MYO3B: variants seen among roughly 807,000 people sequenced by gnomAD.
The protein encoded by MYO3B is myosin-IIIb.
In MYO3B, 156 loss-of-function variants were observed where a neutral mutation model predicts 174.6. The observed-to-expected ratio is 0.89, with a 90% CI of 0.78 to 1.02. The LOEUF is 1.02. Among genes scored for constraint, MYO3B ranks in the 50% least tolerant of loss-of-function variants. The probability of loss-of-function intolerance (pLI) is 0.00; values close to 1 mark genes in which losing one functional copy is unlikely to be tolerated. For synonymous variants in MYO3B, 563 were observed against 569.1 expected, an observed-to-expected ratio of 0.99 and a Z score of 0.15; for missense variants, 1,632 against 1,639.4, an observed-to-expected ratio of 1.00 and a Z score of 0.08.
At chr2:170,456,732 A>G (rs1027779640) in intron 23 of MYO3B, among the ~76,000 whole-genome samples, 1 of 152,248 alleles carries the variant, frequency 6.6e-6, no homozygotes, top group Non-Finnish European at 1.5e-5. Context: ...AACTAATGTT[A>G]TTTGTTATAT....
intron 32 of MYO3B, among the ~76,000 whole-genome samples, chr2:170,590,168 A>G (rs1369931103): frequency 2.0e-5 from 3 of 152,216 alleles, no homozygotes; most frequent in Non-Finnish European, 2.9e-5. Flanking sequence ...ATGCCTGTAT[A>G]TACGTGATAT....
chr2:170,189,225 A>T (rs2092509450), intron 1 of MYO3B, among the ~76,000 whole-genome samples: 1 of 151,902 alleles, frequency 6.6e-6, no homozygotes, highest in South Asian at 2.1e-4. Context: ...GTAATTTGTC[A>T]TTTCTCCTGC....
At chr2:170,639,823 T>C (rs147795138) in intron 32 of MYO3B, among the ~76,000 whole-genome samples, 25 of 152,240 alleles carry the variant, frequency 1.6e-4, no homozygotes, top group African/African-American at 5.1e-4. Flanking sequence ...AAACCAGAGA[T>C]AGTATTTCCA....
chr2:170,229,757 A>G (rs940911744), intron 6 of MYO3B, among the ~76,000 whole-genome samples: 5 of 152,230 alleles, frequency 3.3e-5, no homozygotes, highest in Admixed American at 6.5e-5. Context: ...TCCCTTTCAC[A>G]TATAGTATAA....
intron 8 of MYO3B, among the ~76,000 whole-genome samples, chr2:170,356,284 G>A (rs961783639): frequency 4.0e-5 from 6 of 151,666 alleles, no homozygotes; most frequent in African/African-American, 1.5e-4. Context: ...TTACATTGAA[G>A]AGTGTCATAA....
chr2:170,465,008 A>G (rs971146802), intron 24 of MYO3B, among the ~76,000 whole-genome samples: 54 of 148,568 alleles, frequency 3.6e-4, no homozygotes, highest in African/African-American at 1.2e-3. Flanking sequence ...CTGGGACTAC[A>G]GGTACGTGCC....
intron 19 of MYO3B, among the ~76,000 whole-genome samples, 186 bp from the exon 20 acceptor site, chr2:170,404,061 A>T (rs2094495236): frequency 6.6e-6 from 1 of 152,210 alleles, no homozygotes; most frequent in Admixed American, 6.5e-5. Context: ...GCCACTTGTA[A>T]GTCAGATTTA....
At chr2:170,507,393 C>CTTACTT (rs1553512659) in intron 28 of MYO3B, among the ~76,000 whole-genome samples, 1 of 151,530 alleles carries the variant, frequency 6.6e-6, no homozygotes, top group African/African-American at 2.4e-5. Flanking sequence ...GGCTTTCTTT[C>CTTACTT]TTTCTTTTTC....
At chr2:170,636,583 T>C (rs1167448352) in intron 32 of MYO3B, among the ~76,000 whole-genome samples, 1 of 152,096 alleles carries the variant, frequency 6.6e-6, no homozygotes, top group African/African-American at 2.4e-5. Flanking sequence ...CCCCATCTCA[T>C]GCAGGATGAG....
At chr2:170,397,490 C>T (rs1427980068) in intron 16 of MYO3B, among the ~76,000 whole-genome samples, 1 of 152,144 alleles carries the variant, frequency 6.6e-6, no homozygotes, top group African/African-American at 2.4e-5. Flanking sequence ...TTCGTTGTTT[C>T]ACGTATAGAA....
intron 25 of MYO3B, among the ~76,000 whole-genome samples, chr2:170,470,638 G>A (rs1357274804): frequency 6.6e-6 from 1 of 152,026 alleles, no homozygotes; most frequent in Non-Finnish European, 1.5e-5. Flanking sequence ...GAATTTCTTG[G>A]TCATATGGTA....
At chr2:170,189,573 GCTCA>G (rs2092513582) in intron 1 of MYO3B, among the ~76,000 whole-genome samples, 1 of 151,608 alleles carries the variant, frequency 6.6e-6, no homozygotes, top group Non-Finnish European at 1.5e-5. Flanking sequence ...CTGTCTTCAA[GCTCA>G]CTCATTCTTT....
At chr2:170,592,375 A>G (rs949496878) in intron 32 of MYO3B, among the ~76,000 whole-genome samples, 2 of 152,096 alleles carry the variant, frequency 1.3e-5, no homozygotes, top group East Asian at 1.9e-4. Flanking sequence ...CATTCCCTAC[A>G]CCCTGGGTGA....
At chr2:170,604,804 A>G (rs749862458) in intron 32 of MYO3B, among the ~76,000 whole-genome samples, 162 of 152,322 alleles carry the variant, frequency 1.1e-3, no homozygotes, top group Non-Finnish European at 6.2e-4. Context: ...AGGCCACACA[A>G]TGCAGTTGTG....
chr2:170,268,955 A>G (rs2093404915), intron 7 of MYO3B, among the ~76,000 whole-genome samples: 2 of 152,166 alleles, frequency 1.3e-5, no homozygotes, highest in South Asian at 4.1e-4. Flanking sequence ...GAAATAAAAC[A>G]ATGGGACATT....
chr2:170,363,923 A>C (rs73016994), intron 8 of MYO3B, among the ~76,000 whole-genome samples: 6,819 of 152,312 alleles, frequency 0.045, 226 homozygotes, highest in African/African-American at 0.095. Context: ...GGAATGAATG[A>C]AAGAAAGAAT....
chr2:170,242,467 A>G (rs2093144893), intron 7 of MYO3B, among the ~76,000 whole-genome samples: 1 of 152,144 alleles, frequency 6.6e-6, no homozygotes, highest in Non-Finnish European at 1.5e-5. Context: ...ATGCCCCAGA[A>G]GGCTTTCACT....
At chr2:170,366,496 G>A (rs1279358375) in intron 8 of MYO3B, among the ~76,000 whole-genome samples, 1 of 151,806 alleles carries the variant, frequency 6.6e-6, no homozygotes, top group African/African-American at 2.4e-5. Context: ...GTCTCACTAT[G>A]TTGCTCAGGC....
intron 7 of MYO3B, among the ~76,000 whole-genome samples, chr2:170,299,009 A>T (rs2093647154): frequency 6.6e-6 from 1 of 152,188 alleles, no homozygotes; most frequent in Non-Finnish European, 1.5e-5. Context: ...GGTGTGTGGT[A>T]GGCTAGGTTT....
Sources: allele counts gnomAD v4.1 joint callset (sites outside exome capture counted in the v4.1 genomes callset), GRCh38; gene constraint gnomAD v4.1.1; transcripts MANE v1.5; gene names NCBI Gene and HGNC (gene_info 2026-07-23, HGNC 2026-07-21).